RALGAPA2: variants seen among roughly 807,000 people sequenced by gnomAD.
RALGAPA2 encodes the protein ral GTPase-activating protein subunit alpha-2.
RALGAPA2 carries 139 observed loss-of-function variants against 230.4 expected under a neutral mutation model. The observed-to-expected ratio is 0.60, with a 90% CI of 0.53 to 0.69. The LOEUF (loss-of-function observed/expected upper bound fraction) is 0.69. Ranked by LOEUF, RALGAPA2 falls within the 30% of genes least tolerant of loss-of-function variation. RALGAPA2 has a pLI of 0.00. For missense variants in RALGAPA2, 2,163 were observed against 2,276.0 expected (o/e 0.95, Z 1.01); for synonymous variants, 847 against 837.8 (o/e 1.01, Z -0.19).
chr20:20,462,671 T>C (rs2061329968), intron 37 of RALGAPA2, among the ~76,000 whole-genome samples: 1 of 152,198 alleles, frequency 6.6e-6, no homozygotes, highest in Non-Finnish European at 1.5e-5. Flanking sequence ...CAAAAAAGTA[T>C]TCTGCTTTCA....
At chr20:20,544,291 G>A (rs1184615199) in intron 24 of RALGAPA2, among the ~76,000 whole-genome samples, 2 of 151,616 alleles carry the variant, frequency 1.3e-5, no homozygotes, top group Admixed American at 6.6e-5. Flanking sequence ...GCATGGTGGC[G>A]GGTGCCTGTA....
intron 31 of RALGAPA2, among the ~76,000 whole-genome samples, chr20:20,516,401 C>G (rs1278601456): frequency 6.6e-6 from 1 of 152,220 alleles, no homozygotes; most frequent in Admixed American, 6.5e-5. Flanking sequence ...CAAGCACCAC[C>G]TCATGGCTGC....
chr20:20,610,506 C>T (rs1394947599), intron 14 of RALGAPA2, among the ~76,000 whole-genome samples: 2 of 152,170 alleles, frequency 1.3e-5, no homozygotes, highest in Non-Finnish European at 2.9e-5. Flanking sequence ...TCCACCATAT[C>T]CGGGACCTCA....
intron 1 of RALGAPA2, among the ~76,000 whole-genome samples, chr20:20,698,506 C>T (rs1428207326): frequency 1.3e-5 from 2 of 152,208 alleles, no homozygotes; most frequent in South Asian, 2.1e-4. Flanking sequence ...TCTCCTGCCT[C>T]AGCCTCCCAA....
intron 31 of RALGAPA2, among the ~76,000 whole-genome samples, chr20:20,517,958 C>T (rs2062923491): frequency 1.3e-5 from 2 of 151,966 alleles, no homozygotes; most frequent in African/African-American, 4.8e-5. Context: ...GCAATGGATC[C>T]AAACCAAGAT....
intron 33 of RALGAPA2, among the ~76,000 whole-genome samples, chr20:20,509,692 A>AGAAAAGAAAAGAAAAAAT (rs1365492980): frequency 6.6e-6 from 1 of 152,212 alleles, no homozygotes; most frequent in African/African-American, 2.4e-5. Flanking sequence ...AGAAGGGTGA[A>AGAAAAGAAAAGAAAAAAT]GAAAAGAAAA....
In RALGAPA2 at chr20:20,676,286, T is replaced by G. The variant is rs778268831; in HGVS notation, c.220A>C (p.Asn74His). 1 of 1,560,914 alleles carries G rather than the reference T, an allele frequency of 6.4e-7. No individual in the cohort carries two copies. Among genetic ancestry groups the G allele is most frequent in the South Asian group, 1.2e-5 (1 of 86,850 alleles). The change falls in exon 3 of 40, where the codon AAT (asparagine) becomes CAT (histidine). Residue 74 changes from asparagine to histidine, a missense_variant and splice_region_variant. Asn to His is a moderately conservative substitution (Grantham distance 68, BLOSUM62 1). Transcript: ENST00000202677. Reference sequence around the variant, plus strand: ...AGCTCCTCCCTTTGTGACTTATTATTCCCTGGAATATTAAAAAATAATTAG... The same window carrying G: ...AGCTCCTCCCTTTGTGACTTATTATGCCCTGGAATATTAAAAAATAATTAG... ...ALENSLKLKG[N>H]NKSQREELDS...
At position 20,586,617 on chromosome 20, in the gene RALGAPA2, C is replaced by A. The variant is rs114495804; in HGVS notation, c.2440-1662G>T. On this transcript the variant is annotated intron_variant, in intron 18 of 39. Coordinates refer to ENST00000202677, the MANE Select transcript of RALGAPA2 (RefSeq NM_020343.4). Reference sequence around the variant, plus strand: ...GGAATAAAAGTTGGAATCACAAAAACAAGCAAGCAACAAAAGATTATTAGA... The same window carrying A: ...GGAATAAAAGTTGGAATCACAAAAAAAAGCAAGCAACAAAAGATTATTAGA... Among the ~76,000 whole-genome samples, 1,259 of 152,108 alleles carry A rather than the reference C, an allele frequency of 8.3e-3. 12 individuals are homozygous for A. The highest frequency in any genetic ancestry group is 0.029 in the African/African-American group (1,195 of 41,462).
chr20:20,575,623 A>C (rs1348721577), intron 20 of RALGAPA2, among the ~76,000 whole-genome samples: 2 of 152,098 alleles, frequency 1.3e-5, no homozygotes, highest in African/African-American at 4.8e-5. Context: ...ACAGACTTAC[A>C]GTCTTCCTGT....
chr20:20,575,693 C>T (rs1037993068), intron 20 of RALGAPA2, among the ~76,000 whole-genome samples: 5 of 152,250 alleles, frequency 3.3e-5, no homozygotes, highest in African/African-American at 1.2e-4. Context: ...ATTTTCTAAC[C>T]CTTTTAGAGA....
intron 4 of RALGAPA2, 104 bp from the exon 5 acceptor site, chr20:20,643,653 TA>T: frequency 9.1e-7 from 1 of 1,098,938 alleles, no homozygotes; most frequent in East Asian, 3.2e-5. Context: ...TTTTTAAAAA[TA>T]AAAGGAAGAA....
intron 3 of RALGAPA2, among the ~76,000 whole-genome samples, chr20:20,665,512 T>C (rs1450823603): frequency 6.6e-6 from 1 of 152,242 alleles, no homozygotes; most frequent in African/African-American, 2.4e-5. Context: ...ATCCCAAGTT[T>C]CTCACCTATA....
intron 31 of RALGAPA2, among the ~76,000 whole-genome samples, chr20:20,515,850 G>C (rs573464644): frequency 6.9e-6 from 1 of 144,360 alleles, no homozygotes. Flanking sequence ...GGAGTGGGGC[G>C]GGGGGGGCAG....
chr20:20,667,332 C>T (rs1359473570), intron 3 of RALGAPA2, among the ~76,000 whole-genome samples: 1 of 152,078 alleles, frequency 6.6e-6, no homozygotes, highest in Non-Finnish European at 1.5e-5. Flanking sequence ...TGCTGAATTC[C>T]ATTAAAGTAA....
chr20:20,512,603 T>C lies in RALGAPA2; in HGVS notation c.4766A>G (p.Gln1589Arg), dbSNP rs759196773. ...GGGCTCCACTGGGGAGGGCTGCCCTTGGCTGGTGACTTTCATTGCAGAATC... is the reference window on the plus strand; with the variant it reads ...GGGCTCCACTGGGGAGGGCTGCCCTCGGCTGGTGACTTTCATTGCAGAATC... ...NFDSAMKVTS[Q>R]GQPSPVEPRG... The change falls in exon 32 of 40, where the codon CAA becomes CGA. Residue 1589 changes from glutamine to arginine, a missense_variant. Coordinates refer to ENST00000202677, the MANE Select transcript of RALGAPA2 (RefSeq NM_020343.4). 1 of 1,613,938 alleles carries C rather than the reference T, an allele frequency of 6.2e-7. No individual in the cohort carries two copies. Among genetic ancestry groups the C allele is most frequent in the Non-Finnish European group, 8.5e-7 (1 of 1,179,834 alleles).
chr20:20,418,811 T>C (rs549921267), intron 37 of RALGAPA2, among the ~76,000 whole-genome samples: 1 of 152,314 alleles, frequency 6.6e-6, no homozygotes, highest in South Asian at 2.1e-4. Context: ...CCATCATAGC[T>C]TACTGCCACC....
intron 3 of RALGAPA2, 23 bp from the exon 4 acceptor site, chr20:20,653,610 A>C: frequency 7.5e-7 from 1 of 1,329,836 alleles, no homozygotes; most frequent in Non-Finnish European, 1.0e-6. Flanking sequence ...GATATAAAGA[A>C]AATAAACAAC....
chr20:20,542,378 T>C (rs1425703146), intron 24 of RALGAPA2, among the ~76,000 whole-genome samples: 2 of 152,190 alleles, frequency 1.3e-5, no homozygotes, highest in African/African-American at 4.8e-5. Context: ...CAAGCTACCA[T>C]TGACTTTCCT....
At chr20:20,604,192 T>C (rs188029044) in intron 15 of RALGAPA2, among the ~76,000 whole-genome samples, 171 of 152,334 alleles carry the variant, frequency 1.1e-3, no homozygotes, top group African/African-American at 4.0e-3. Context: ...TCTACTGTAC[T>C]ATATGCCTTT....
Sources: allele counts gnomAD v4.1 joint callset (sites outside exome capture counted in the v4.1 genomes callset), GRCh38; gene constraint gnomAD v4.1.1; transcripts MANE v1.5; gene names NCBI Gene and HGNC (gene_info 2026-07-23, HGNC 2026-07-21).